TASP1: variants seen among roughly 807,000 people sequenced by gnomAD.
The protein encoded by TASP1 is taspase 1.
Under a neutral mutation model 56.6 loss-of-function variants are expected in TASP1, and 16 were observed. The observed-to-expected ratio is 0.28, with a 90% confidence interval of 0.19 to 0.43. The LOEUF is 0.43. Among genes scored for constraint, TASP1 ranks in the 20% least tolerant of loss-of-function variants. TASP1 has a pLI of 1.00. For missense variants in TASP1, 393 were observed against 511.6 expected, an observed-to-expected ratio of 0.77 and a Z score of 2.24; for synonymous variants, 179 against 184.2, an observed-to-expected ratio of 0.97 and a Z score of 0.23.
the TASP1 span, among the ~76,000 whole-genome samples, chr20:13,371,668 G>T: frequency 1.3e-5 from 2 of 152,036 alleles, no homozygotes; most frequent in African/African-American, 4.8e-5. Context: ...GGTCTGCTTT[G>T]TGTATACTGT....
intron 13 of TASP1, among the ~76,000 whole-genome samples, chr20:13,395,154 A>C (rs2041475345): frequency 6.6e-6 from 1 of 152,240 alleles, no homozygotes; most frequent in African/African-American, 2.4e-5. Context: ...TGGAGGCATG[A>C]GCAACTTAAA....
At chr20:13,192,706 C>T in the TASP1 span, among the ~76,000 whole-genome samples, 2 of 151,738 alleles carry the variant, frequency 1.3e-5, no homozygotes, top group African/African-American at 4.8e-5. Flanking sequence ...ATTCATTTGA[C>T]GACTTTATTT....
the TASP1 span, among the ~76,000 whole-genome samples, chr20:13,157,696 C>A: frequency 6.6e-6 from 1 of 151,768 alleles, no homozygotes; most frequent in Non-Finnish European, 1.5e-5. Context: ...CCTAAGGAAA[C>A]AGAACAGGTT....
At chr20:13,163,218 A>G in the TASP1 span, among the ~76,000 whole-genome samples, 2 of 151,888 alleles carry the variant, frequency 1.3e-5, no homozygotes, top group Admixed American at 6.6e-5. Flanking sequence ...AAATACAAAA[A>G]TTAGCCAGGC....
the TASP1 span, among the ~76,000 whole-genome samples, chr20:13,293,207 CAAAAAAAAA>C: frequency 2.3e-5 from 2 of 87,450 alleles, no homozygotes; most frequent in Non-Finnish European, 4.8e-5. Flanking sequence ...GACTCCGTCT[CAAAAAAAAA>C]AAAAAAAAAG....
intron 12 of TASP1, among the ~76,000 whole-genome samples, chr20:13,423,692 T>G (rs1416849942): frequency 6.6e-6 from 1 of 152,202 alleles, no homozygotes; most frequent in Non-Finnish European, 1.5e-5. Flanking sequence ...AGGGAACTAG[T>G]TGAGTAAGGA....
chr20:13,110,329 A>G, the TASP1 span: 1 of 877,552 alleles, frequency 1.1e-6, no homozygotes, highest in South Asian at 1.8e-5. Flanking sequence ...AATTGGTTAT[A>G]TGACACAGGG....
At chr20:13,531,018 A>G in intron 9 of TASP1, among the ~76,000 whole-genome samples, 1 of 152,320 alleles carries the variant, frequency 6.6e-6, no homozygotes, top group Non-Finnish European at 1.5e-5. Flanking sequence ...CTTCTATACA[A>G]TAAAGATAAT....
At chr20:13,401,796 C>A (rs6074606) in intron 13 of TASP1, among the ~76,000 whole-genome samples, 15,221 of 152,136 alleles carry the variant, frequency 0.1, 1,112 homozygotes, top group Non-Finnish European at 0.15. Context: ...GTACATTTGT[C>A]TCATTTACAT....
chr20:13,268,137 T>TTCTCC, the TASP1 span, among the ~76,000 whole-genome samples: 665 of 150,654 alleles, frequency 4.4e-3, 5 homozygotes, highest in Middle Eastern at 0.021. Context: ...TTCTCTTCTC[T>TTCTCC]TCTCTTCTCT....
chr20:13,579,212 A>G (rs2047030513), intron 6 of TASP1, among the ~76,000 whole-genome samples: 1 of 152,204 alleles, frequency 6.6e-6, no homozygotes, highest in Non-Finnish European at 1.5e-5. Flanking sequence ...ATCCAGAGAC[A>G]ATCTCTTTGC....
At chr20:13,608,704 T>C (rs1307329662) in intron 4 of TASP1, among the ~76,000 whole-genome samples, 1 of 152,248 alleles carries the variant, frequency 6.6e-6, no homozygotes, top group Admixed American at 6.5e-5. Context: ...TCATTCTTAG[T>C]TTGCAGGCCA....
chr20:13,180,958 T>C, the TASP1 span, among the ~76,000 whole-genome samples: 2 of 152,188 alleles, frequency 1.3e-5, no homozygotes, highest in African/African-American at 2.4e-5. Context: ...TGGGCTTACT[T>C]TATTCTCTGC....
At chr20:13,454,687 G>A (rs1364723292) in intron 11 of TASP1, among the ~76,000 whole-genome samples, 2 of 152,126 alleles carry the variant, frequency 1.3e-5, no homozygotes, top group African/African-American at 2.4e-5. Context: ...GATATCAAGT[G>A]CAGTGCCCTA....
intron 11 of TASP1, among the ~76,000 whole-genome samples, chr20:13,481,567 A>G (rs1184049752): frequency 6.6e-6 from 1 of 152,144 alleles, no homozygotes; most frequent in African/African-American, 2.4e-5. Context: ...TTTTCTCTGC[A>G]TCTTCACCAG....
the TASP1 span, among the ~76,000 whole-genome samples, chr20:13,241,750 C>T: frequency 6.6e-6 from 1 of 152,060 alleles, no homozygotes; most frequent in African/African-American, 2.4e-5. Context: ...TGGAACAGTG[C>T]TTAGTATTCA....
chr20:13,318,477 G>C, the TASP1 span, among the ~76,000 whole-genome samples: 30 of 152,158 alleles, frequency 2.0e-4, no homozygotes, highest in Non-Finnish European at 2.8e-4. Flanking sequence ...GTGCTGCTTG[G>C]TATTTACCCA....
chr20:13,459,171 A>T (rs1002050840), intron 11 of TASP1, among the ~76,000 whole-genome samples: 1 of 151,986 alleles, frequency 6.6e-6, no homozygotes, highest in African/African-American at 2.4e-5. Context: ...ATGACTTCTC[A>T]ATTTTTTTAC....
At chr20:13,619,020 A>AC (rs943157385) in intron 4 of TASP1, among the ~76,000 whole-genome samples, 15 of 152,066 alleles carry the variant, frequency 9.9e-5, no homozygotes, top group African/African-American at 2.9e-4. Context: ...GATTACAGGA[A>AC]CGCGCCACAA....
Sources: allele counts gnomAD v4.1 joint callset (sites outside exome capture counted in the v4.1 genomes callset), GRCh38; gene constraint gnomAD v4.1.1; transcripts MANE v1.5; gene names NCBI Gene and HGNC (gene_info 2026-07-23, HGNC 2026-07-21).